The following ZNF16 variants were observed in gnomAD, a reference collection of about 807,000 sequenced individuals.
The protein encoded by ZNF16 is zinc finger protein KOX9.
A neutral mutation model predicts 9.0 loss-of-function variants in ZNF16; 7 were observed. That is an observed-to-expected ratio of 0.78 (90% CI 0.44 to 1.47). The LOEUF (loss-of-function observed/expected upper bound fraction) is 1.47. ZNF16 is among the 40% of genes most tolerant of loss of function. The probability of loss-of-function intolerance (pLI) is 0.01; values close to 1 mark genes in which losing one functional copy is unlikely to be tolerated. For synonymous variants in ZNF16, 312 were observed against 301.5 expected, an observed-to-expected ratio of 1.03 and a Z score of -0.36; for missense variants, 830 against 854.2, an observed-to-expected ratio of 0.97 and a Z score of 0.35.
chr8:144,950,585 C>A (rs1834088949), intron 1 of ZNF16: 2 of 152,238 alleles, frequency 1.3e-5, no homozygotes, highest in Middle Eastern at 3.4e-3. Context: ...GAGGCAGCCC[C>A]CAGAGGCTCT....
rs1025198883 is a variant in ZNF16, at chr8:144,931,344, G to A, written c.1443C>T (p.Ile481=). The A allele has an allele frequency of 6.2e-7, 1 of 1,613,844 alleles. No individual in the cohort carries two copies. The highest frequency in any genetic ancestry group is 8.5e-7 in the Non-Finnish European group (1 of 1,179,958). The part of the protein sequence containing the change: ...SYSSVLRKHQ[I]IHTGEKPYRC... ...TGTACGGCTTCTCTCCCGTGTGGAT[G>A]ATCTGGTGCTTTCGGAGCACTGAGC... The change falls in exon 3 of 3, where the codon ATC becomes ATT. Residue 481 remains isoleucine (I), a synonymous_variant. Coordinates refer to ENST00000394909, the MANE Select transcript of ZNF16 (RefSeq NM_006958.3).
Position 144,933,363 on chromosome 8 carries a change from G to A in ZNF16, c.197-773C>T, listed in dbSNP as rs1276013740. Among the ~76,000 whole-genome samples the A allele has an allele frequency of 6.6e-6, 1 of 152,150 alleles. No individual in the cohort carries two copies. The highest frequency in any genetic ancestry group is 1.9e-4 in the East Asian group (1 of 5,190). The stretch of plus-strand genomic sequence containing the variant: ...CTGAAAACCCACAATTCTGACTGGT[G>A]TTTGCGGATGACTTCTGGCCTCGTA... On this transcript the variant is annotated intron_variant, in intron 2 of 2. Coordinates refer to ENST00000394909, the MANE Select transcript of ZNF16 (RefSeq NM_006958.3). The surrounding 1 kb of genome is among the most constrained non-coding windows in gnomAD (Gnocchi z 5.6).
At chr8:144,943,065 C>T (rs1279962767) in intron 2 of ZNF16, among the ~76,000 whole-genome samples, 1 of 152,112 alleles carries the variant, frequency 6.6e-6, no homozygotes, top group Non-Finnish European at 1.5e-5. Context: ...TTTTATCTAC[C>T]TGGATATGTT....
chr8:144,937,825 G>A (rs1833719136), intron 2 of ZNF16, among the ~76,000 whole-genome samples: 1 of 137,634 alleles, frequency 7.3e-6, no homozygotes, highest in Admixed American at 7.2e-5. Flanking sequence ...AACACAACTG[G>A]CTATTTTTTT....
chr8:144,948,204 T>C (rs1160767402), intron 1 of ZNF16: 1 of 152,186 alleles, frequency 6.6e-6, no homozygotes. Context: ...ATGGTTACTA[T>C]GGACCAATGA....
intron 2 of ZNF16, among the ~76,000 whole-genome samples, chr8:144,941,873 T>A (rs140886936): frequency 0.024 from 3,570 of 151,864 alleles, 54 homozygotes; most frequent in Non-Finnish European, 0.035. Context: ...TTGGCCAGGA[T>A]GGTCTCAATC....
In ZNF16 at chr8:144,932,793, G is replaced by C. The variant is rs1266905450; in HGVS notation, c.197-203C>G. Among the ~76,000 whole-genome samples the C allele has an allele frequency of 6.6e-6, 1 of 152,132 alleles. No individual in the cohort carries two copies. Among genetic ancestry groups the C allele is most frequent in the Non-Finnish European group, 1.5e-5 (1 of 68,014 alleles). Reference sequence around the variant, plus strand: ...GCTGCATGGGGCTGCAGATGAGTGAGAGCTCTTGATGACCACGGACCCACC... The same window carrying C: ...GCTGCATGGGGCTGCAGATGAGTGACAGCTCTTGATGACCACGGACCCACC... On this transcript the variant is annotated intron_variant, in intron 2 of 2. Transcript: ENST00000394909. The surrounding 1 kb of genome is among the most constrained non-coding windows in gnomAD (Gnocchi z 5.0).
In ZNF16 at chr8:144,933,458, C is replaced by T. The variant is rs1306329118; in HGVS notation, c.197-868G>A. On this transcript the variant is annotated intron_variant, in intron 2 of 2. Transcript: ENST00000394909. The surrounding 1 kb of genome is among the most constrained non-coding windows in gnomAD (Gnocchi z 5.6). ...CCGTGTCTGCCAGAAAAGGCTTCAG[C>T]ATCTCCCTCTCCCCTTTTCACACCT... Among the ~76,000 whole-genome samples the T allele has an allele frequency of 3.9e-5, 6 of 152,160 alleles. No individual in the cohort carries two copies.
chr8:144,949,291 C>G (rs1208043727), intron 1 of ZNF16, among the ~76,000 whole-genome samples: 1 of 152,242 alleles, frequency 6.6e-6, no homozygotes, highest in African/African-American at 2.4e-5. Flanking sequence ...CCACTACTGA[C>G]TGGGCCTCCC....
chr8:144,932,538 A>G lies in ZNF16; in HGVS notation c.249T>C (p.His83=), dbSNP rs777972937. Reference sequence around the variant, plus strand: ...TTTCTGCCTGTGATTCCAAATCTTCATGAATGTCTTCCTTGTGAAGAAACT... The same window carrying G: ...TTTCTGCCTGTGATTCCAAATCTTCGTGAATGTCTTCCTTGTGAAGAAACT... ...DKEFLHKEDI[H]EDLESQAEIS... The change falls in exon 3 of 3, where the codon CAT becomes CAC. Residue 83 remains histidine (H), a synonymous_variant. Transcript: ENST00000394909. The surrounding 1 kb of genome is among the most constrained non-coding windows in gnomAD (Gnocchi z 5.0). 6.2e-7 allele frequency: 1 copy of G among 1,614,148 alleles called. No individual in the cohort carries two copies. The highest frequency in any genetic ancestry group is 8.5e-7 in the Non-Finnish European group (1 of 1,180,018).
Position 144,930,972 on chromosome 8 carries a change from T to A in ZNF16, c.1815A>T (p.Glu605Asp), listed in dbSNP as rs1316703341. ...HTGEKPYTCVECGKGFSQSSH... is the reference protein window; with the variant it reads ...HTGEKPYTCVDCGKGFSQSSH... ...AGCTCTGGCTGAAGCCCTTACCACA[T>A]TCAACACAGGTGTAGGGTTTTTCCC... Residue 605 changes from glutamate to aspartate, a missense_variant, in exon 3 of 3, where the codon GAA (glutamate) becomes GAT (aspartate). Transcript: ENST00000394909. 6.2e-7 allele frequency: 1 copy of A among 1,614,108 alleles called. No homozygotes were observed. The highest frequency in any genetic ancestry group is 1.1e-5 in the South Asian group (1 of 91,086).
chr8:144,946,531 G>A (rs1014813357), intron 1 of ZNF16, among the ~76,000 whole-genome samples: 2 of 133,024 alleles, frequency 1.5e-5, no homozygotes, highest in African/African-American at 5.8e-5. Context: ...GTGTCCTGCT[G>A]TGGGGCCTGT....
intron 2 of ZNF16, among the ~76,000 whole-genome samples, chr8:144,940,418 T>G (rs1213399437): frequency 6.6e-6 from 1 of 152,218 alleles, no homozygotes; most frequent in Non-Finnish European, 1.5e-5. Context: ...TTGCCTTCAC[T>G]GCATCCCATA....
Position 144,931,152 on chromosome 8 carries a change from A to G in ZNF16, c.1635T>C (p.Tyr545=). Residue 545 remains tyrosine (Y), a synonymous_variant, in exon 3 of 3, where the codon TAT becomes TAC. Transcript: ENST00000394909. ...HQRVHTGEKP[Y]ECTECGKTFS... ...AGGTTTTTCCACATTCAGTACATTC[A>G]TAGGGCTTCTCTCCAGTGTGGACTC... is the stretch of plus-strand genomic sequence containing the variant. 1 of 1,614,216 alleles carries G rather than the reference A, an allele frequency of 6.2e-7. No individual in the cohort carries two copies. Among genetic ancestry groups the G allele is most frequent in the Non-Finnish European group, 8.5e-7 (1 of 1,180,038 alleles).
intron 2 of ZNF16, among the ~76,000 whole-genome samples, chr8:144,935,003 C>T (rs185257107): frequency 3.3e-5 from 5 of 151,926 alleles, no homozygotes; most frequent in Non-Finnish European, 5.9e-5. Flanking sequence ...TTGTCTAGCC[C>T]GAGCCACTGT....
At chr8:144,949,009 C>T (rs1332465020) in intron 1 of ZNF16, among the ~76,000 whole-genome samples, 1 of 152,264 alleles carries the variant, frequency 6.6e-6, no homozygotes, top group Non-Finnish European at 1.5e-5. Flanking sequence ...AGCTAAGGAT[C>T]ACTCAGGCTG....
chr8:144,936,716 C>T (rs1833689960), intron 2 of ZNF16, among the ~76,000 whole-genome samples: 5 of 151,028 alleles, frequency 3.3e-5, no homozygotes, highest in African/African-American at 7.3e-5. Flanking sequence ...TTCTTTGCCC[C>T]TTATTTATTT....
At chr8:144,947,131 GCTGTGGGCCATACCCTT>G (rs1833974934) in intron 1 of ZNF16, among the ~76,000 whole-genome samples, 3 of 127,078 alleles carry the variant, frequency 2.4e-5, no homozygotes, top group African/African-American at 6.6e-5. Context: ...CCTGTACCCT[GCTGTGGGCCATACCCTT>G]CTGTGGGCCT....
intron 2 of ZNF16, among the ~76,000 whole-genome samples, chr8:144,936,902 C>G (rs1334603300): frequency 6.6e-6 from 1 of 151,952 alleles, no homozygotes; most frequent in Non-Finnish European, 1.5e-5. Flanking sequence ...ATCACGTTGG[C>G]CAGCATGGTC....
Sources: gnomAD v4.1 joint callset for allele counts (sites outside exome capture counted in the v4.1 genomes callset) on GRCh38, gnomAD v4.1.1 for gene constraint, Gnocchi (gnomAD v3.1) non-coding constraint, MANE v1.5 for transcripts, NCBI Gene and HGNC (gene_info 2026-07-23, HGNC 2026-07-21) for gene names.